The following FAT3 variants were observed in gnomAD, a reference collection of about 807,000 sequenced individuals.
FAT3 encodes FAT atypical cadherin 3, also known as protocadherin Fat 3.
FAT3 carries 95 observed loss-of-function variants against 310.2 expected under a neutral mutation model. The observed-to-expected ratio is 0.31, with a 90% CI of 0.26 to 0.36. The LOEUF is 0.36. FAT3 is among the 10% of genes least tolerant of loss of function. The pLI, the probability that FAT3 is intolerant of heterozygous loss-of-function variation, is 1.00. For synonymous variants in FAT3, 2,314 were observed against 2,192.9 expected (o/e 1.06, Z -1.54); for missense variants, 5,408 against 5,715.6 (o/e 0.95, Z 1.74).
At chr11:92,228,484 T>A (rs987202382) in intron 1 of FAT3, among the ~76,000 whole-genome samples, 2 of 152,224 alleles carry the variant, frequency 1.3e-5, no homozygotes, top group Non-Finnish European at 2.9e-5. Context: ...TTCAGGCTGC[T>A]CACAGAAGAA....
intron 3 of FAT3, among the ~76,000 whole-genome samples, chr11:92,563,458 G>C (rs916188230): frequency 6.6e-6 from 1 of 151,984 alleles, no homozygotes; most frequent in Non-Finnish European, 1.5e-5. Flanking sequence ...ACACTACCAG[G>C]TTATTCAAAT....
intron 7 of FAT3, among the ~76,000 whole-genome samples, chr11:92,776,771 G>T (rs1946609350): frequency 6.6e-6 from 1 of 152,164 alleles, no homozygotes; most frequent in Non-Finnish European, 1.5e-5. Context: ...AAGTCACTCT[G>T]TGTCTCCAGA....
At chr11:92,247,316 G>C (rs998653476) in intron 1 of FAT3, among the ~76,000 whole-genome samples, 1 of 150,346 alleles carries the variant, frequency 6.7e-6, no homozygotes, top group Admixed American at 6.6e-5. Context: ...GCTGAGCCTT[G>C]AAACCATGTC....
At chr11:92,432,641 G>T (rs1950817045) in intron 2 of FAT3, among the ~76,000 whole-genome samples, 1 of 152,152 alleles carries the variant, frequency 6.6e-6, no homozygotes, top group Non-Finnish European at 1.5e-5. Flanking sequence ...TGGAAGATTT[G>T]TTCCAGAGGG....
At chr11:92,485,268 A>T (rs1352393067) in intron 2 of FAT3, among the ~76,000 whole-genome samples, 4 of 152,204 alleles carry the variant, frequency 2.6e-5, no homozygotes, top group Non-Finnish European at 5.9e-5. Flanking sequence ...GTGGCACAGT[A>T]TAGGTGTTAA....
intron 3 of FAT3, among the ~76,000 whole-genome samples, chr11:92,547,210 GGGC>G (rs1954645174): frequency 6.6e-6 from 1 of 152,080 alleles, no homozygotes; most frequent in African/African-American, 2.4e-5. Flanking sequence ...GCCTAAAAGG[GGGC>G]AGCCGCTATT....
chr11:92,250,138 T>G (rs1360924087), intron 1 of FAT3, among the ~76,000 whole-genome samples: 2 of 152,148 alleles, frequency 1.3e-5, no homozygotes, highest in African/African-American at 4.8e-5. Flanking sequence ...TATAGATGAA[T>G]CCTAAACCAT....
At chr11:92,869,583 G>GTA (rs1193871794) in intron 22 of FAT3, among the ~76,000 whole-genome samples, 2 of 152,182 alleles carry the variant, frequency 1.3e-5, no homozygotes, top group Non-Finnish European at 2.9e-5. Flanking sequence ...TATACCAATA[G>GTA]TATATCAATA....
chr11:92,498,363 C>T, intron 2 of FAT3: 4 of 234,004 alleles, frequency 1.7e-5, no homozygotes, highest in South Asian at 7.4e-5. Flanking sequence ...TTTTCCGATG[C>T]TGTCTGGAAT....
chr11:92,559,527 G>T, intron 3 of FAT3: 1 of 329,418 alleles, frequency 3.0e-6, no homozygotes, highest in South Asian at 2.4e-5. Context: ...TGGGACTATA[G>T]GCATGCACCG....
intron 2 of FAT3, among the ~76,000 whole-genome samples, chr11:92,430,099 T>G (rs765766820): frequency 6.6e-6 from 1 of 152,222 alleles, no homozygotes; most frequent in African/African-American, 2.4e-5. Context: ...TTCTCTAATC[T>G]TGTCTTCACA....
chr11:92,849,731 G>A (rs1007033116), intron 19 of FAT3, among the ~76,000 whole-genome samples: 1 of 152,216 alleles, frequency 6.6e-6, no homozygotes, highest in Non-Finnish European at 1.5e-5. Flanking sequence ...TTACCAGGTA[G>A]AGGATGCATT....
At chr11:92,455,786 C>T (rs1364824201) in intron 2 of FAT3, among the ~76,000 whole-genome samples, 1 of 152,138 alleles carries the variant, frequency 6.6e-6, no homozygotes, top group Non-Finnish European at 1.5e-5. Flanking sequence ...ATAAAAAAGC[C>T]AGTATCTGAT....
intron 2 of FAT3, among the ~76,000 whole-genome samples, chr11:92,358,192 A>G (rs184247805): frequency 6.6e-6 from 1 of 152,096 alleles, no homozygotes; most frequent in African/African-American, 2.4e-5. Flanking sequence ...AATAATAATT[A>G]AAAATAAAAA....
At chr11:92,705,537 G>T (rs1378658424) in intron 4 of FAT3, among the ~76,000 whole-genome samples, 9 of 138,138 alleles carry the variant, frequency 6.5e-5, no homozygotes, top group Non-Finnish European at 1.3e-4. Flanking sequence ...GTGGTGGTGT[G>T]ATGGTGTGAT....
intron 6 of FAT3, among the ~76,000 whole-genome samples, chr11:92,766,023 A>T (rs1946300724): frequency 6.6e-6 from 1 of 152,054 alleles, no homozygotes; most frequent in African/African-American, 2.4e-5. Context: ...CAGGAAATGG[A>T]ACCTAGATAT....
intron 3 of FAT3, among the ~76,000 whole-genome samples, chr11:92,558,354 A>ACT (rs998562493): frequency 1.3e-5 from 2 of 151,894 alleles, no homozygotes; most frequent in African/African-American, 4.8e-5. Context: ...CAGAAGCCAA[A>ACT]GTGTGAGTGT....
chr11:92,561,523 T>C (rs914968409), intron 3 of FAT3, among the ~76,000 whole-genome samples: 1 of 152,212 alleles, frequency 6.6e-6, no homozygotes, highest in African/African-American at 2.4e-5. Context: ...GTACTTCTTG[T>C]GACTTCCTTC....
chr11:92,345,534 G>T (rs534240458), intron 1 of FAT3, among the ~76,000 whole-genome samples: 1 of 152,104 alleles, frequency 6.6e-6, no homozygotes. Flanking sequence ...CTCTGCAGTG[G>T]TACCCCCAAA....
Sources: gnomAD v4.1 joint callset for allele counts (sites outside exome capture counted in the v4.1 genomes callset) on GRCh38, gnomAD v4.1.1 for gene constraint, MANE v1.5 for transcripts, NCBI Gene and HGNC (gene_info 2026-07-23, HGNC 2026-07-21) for gene names.